The following LMBRD2 variants were observed in gnomAD, a reference collection of about 807,000 sequenced individuals.
LMBRD2 encodes G protein-coupled receptor-associated protein LMBRD2.
Under a neutral mutation model 94.4 loss-of-function variants are expected in LMBRD2, and 55 were observed. The observed-to-expected ratio is 0.58, with a 90% CI of 0.47 to 0.73. The LOEUF is 0.73. LMBRD2 is among the 30% of genes least tolerant of loss of function. The pLI is 0.00. For synonymous variants in LMBRD2, 246 were observed against 272.4 expected, an observed-to-expected ratio of 0.90 and a Z score of 0.95; for missense variants, 640 against 831.9, an observed-to-expected ratio of 0.77 and a Z score of 2.84.
chr5:36,117,694 T>C (rs1158737501), intron 10 of LMBRD2, 41 bp downstream of exon 10: 5 of 1,377,300 alleles, frequency 3.6e-6, no homozygotes, highest in Non-Finnish European at 5.0e-6. Flanking sequence ...GATTATACTA[T>C]GAAGTGACAT....
At position 36,108,557 on chromosome 5, in the gene LMBRD2, A is replaced by G. The variant is rs1285971267; in HGVS notation, c.1874T>C (p.Phe625Ser). Residue 625 changes from phenylalanine to serine, a missense_variant, in exon 16 of 18, where the codon TTC (phenylalanine) becomes TCC (serine). Transcript: ENST00000296603. The part of the protein sequence containing the change: ...NIHTDPKESN[F>S]SDVNTNRSAF... ...ACAACGGTTGGTATTAACATCTGAG[A>G]AGTTTGACTCTTTGGGGTCAGTATG... 6.3e-7 allele frequency: 1 copy of G among 1,583,422 alleles called. No individual in the cohort carries two copies.
chr5:36,128,035 C>T (rs1277436637), intron 6 of LMBRD2, among the ~76,000 whole-genome samples: 1 of 152,138 alleles, frequency 6.6e-6, no homozygotes, highest in African/African-American at 2.4e-5. Context: ...CCCTCCCCCA[C>T]CTCCAGGCAG....
intron 15 of LMBRD2, 90 bp from the exon 16 acceptor site, chr5:36,108,729 T>C (rs1743533538): frequency 4.0e-6 from 2 of 497,180 alleles, no homozygotes; most frequent in Non-Finnish European, 6.9e-6. Flanking sequence ...TTTATTTTCA[T>C]CAGAGATTCA....
At position 36,140,992 on chromosome 5, in the gene LMBRD2, G is replaced by A. The variant is rs779767254; in HGVS notation, c.368+115C>T. 58 of 598,016 alleles carry A rather than the reference G, an allele frequency of 9.7e-5. 1 individual carries two copies. Among genetic ancestry groups the A allele is most frequent in the Non-Finnish European group, 1.2e-5 (4 of 333,914 alleles). 37.0% of individuals were successfully genotyped at this position (598,016 alleles called of 1,614,324 possible). A position where few individuals can be genotyped will look rare whatever the true frequency, so the allele number is the denominator to read the frequency against. On this transcript the variant is annotated intron_variant, in intron 4 of 17. Coordinates refer to ENST00000296603, the MANE Select transcript of LMBRD2 (RefSeq NM_001007527.2). ...CACAGCAGAAAGATAAAAATAATGG[G>A]TAGAAAGATTCAGAATGCATATGAC...
intron 13 of LMBRD2, among the ~76,000 whole-genome samples, chr5:36,114,118 T>C (rs1471392112): frequency 6.6e-6 from 1 of 152,176 alleles, no homozygotes; most frequent in Non-Finnish European, 1.5e-5. Flanking sequence ...TAGCTGTCAG[T>C]GTCAAAGGCC....
intron 8 of LMBRD2, 21 bp downstream of exon 8, chr5:36,122,827 A>T (rs1274838184): frequency 6.3e-7 from 1 of 1,584,890 alleles, no homozygotes; most frequent in Admixed American, 1.9e-5. Flanking sequence ...TAAGTAAAAT[A>T]CTTATAATTA....
intron 1 of LMBRD2, among the ~76,000 whole-genome samples, chr5:36,148,522 A>G (rs1180400926): frequency 6.6e-6 from 1 of 152,240 alleles, no homozygotes; most frequent in Non-Finnish European, 1.5e-5. Flanking sequence ...CTTCCTAATA[A>G]TAAAATAATT....
chr5:36,123,908 T>C (rs1252401475), intron 7 of LMBRD2, among the ~76,000 whole-genome samples: 1 of 151,880 alleles, frequency 6.6e-6, no homozygotes, highest in East Asian at 1.9e-4. Context: ...AGTGAACATA[T>C]ACAATGACAT....
rs761859323 is a variant in LMBRD2 at position 36,103,997 on chromosome 5, G to A, written c.*49C>T. On this transcript the variant is annotated 3_prime_UTR_variant, in exon 18 of 18. Transcript: ENST00000296603. ...GGGTACACAGATGTTCATCAAGACT[G>A]AACTGATGTGTTGACCTTGGTTAGT... 3 of 1,325,238 alleles carry A rather than the reference G, an allele frequency of 2.3e-6. No homozygotes were observed. The highest frequency in any genetic ancestry group is 2.9e-5 in the African/African-American group (2 of 68,676). 82.1% of individuals were successfully genotyped at this position (1,325,238 alleles called of 1,614,324 possible).
chr5:36,116,406 A>G, intron 11 of LMBRD2, 54 bp downstream of exon 11: 1 of 1,522,054 alleles, frequency 6.6e-7, no homozygotes, highest in Non-Finnish European at 9.0e-7. Context: ...AAAGATCCAT[A>G]AGAATACACT....
At chr5:36,120,977 C>A (rs1743876785) in intron 9 of LMBRD2, among the ~76,000 whole-genome samples, 4 of 151,842 alleles carry the variant, frequency 2.6e-5, no homozygotes, top group Admixed American at 2.6e-4. Context: ...AGACTTTTCT[C>A]TTTTCTCTAT....
Position 36,141,172 on chromosome 5 carries a change from G to A in LMBRD2, c.303C>T (p.Tyr101=), listed in dbSNP as rs1421577251. The A allele has an allele frequency of 1.9e-6, 3 of 1,610,834 alleles. No homozygotes were observed. Among genetic ancestry groups the A allele is most frequent in the Non-Finnish European group, 2.5e-6 (3 of 1,177,752 alleles). The part of the protein sequence containing the change: ...SQHPCFKPWS[Y]IPDGIMPIFW... ...AAATTGGCATGATTCCATCAGGAAT[G>A]TAACTCCATGGCTTGAAACAAGGAT... The change falls in exon 4 of 18, where the codon TAC becomes TAT. Residue 101 remains tyrosine, a synonymous_variant. Coordinates refer to ENST00000296603, the MANE Select transcript of LMBRD2 (RefSeq NM_001007527.2).
chr5:36,114,962 G>T, intron 12 of LMBRD2, 53 bp downstream of exon 12: 1 of 1,127,298 alleles, frequency 8.9e-7, no homozygotes, highest in Non-Finnish European at 1.3e-6. Context: ...CACAATAACA[G>T]CACCTCATAT....
chr5:36,103,959 A>G lies in LMBRD2; in HGVS notation c.*87T>C, dbSNP rs1216820829. 1.1e-5 allele frequency: 10 copies of G among 899,150 alleles called. No homozygotes were observed. The highest frequency in any genetic ancestry group is 1.6e-5 in the Non-Finnish European group (9 of 550,926). The allele number at this position is 899,150 out of a possible 1,614,324, so 55.7% of individuals were successfully genotyped here. On this transcript the variant is annotated 3_prime_UTR_variant, in exon 18 of 18. Coordinates refer to ENST00000296603, the MANE Select transcript of LMBRD2 (RefSeq NM_001007527.2). ...TATCTTGACACTTTTCACTGTGTAT[A>G]GAGGAAATTCTAGGGTACACAGATG...
chr5:36,120,286 G>A (rs778425481), intron 9 of LMBRD2, among the ~76,000 whole-genome samples: 1 of 150,752 alleles, frequency 6.6e-6, no homozygotes, highest in Non-Finnish European at 1.5e-5. Context: ...TCAGCCTCCC[G>A]AGTAGCTGGG....
chr5:36,129,731 C>T (rs1371625125), intron 6 of LMBRD2, among the ~76,000 whole-genome samples: 2 of 152,186 alleles, frequency 1.3e-5, no homozygotes, highest in African/African-American at 4.8e-5. Flanking sequence ...AACACTATGA[C>T]TGCGGTGTGA....
chr5:36,149,401 G>A (rs898571011), intron 1 of LMBRD2, among the ~76,000 whole-genome samples: 2 of 152,226 alleles, frequency 1.3e-5, no homozygotes, highest in Non-Finnish European at 1.5e-5. Flanking sequence ...CTTATACAAT[G>A]CAGAATTTAT....
chr5:36,135,296 G>C (rs1258367085), intron 6 of LMBRD2, among the ~76,000 whole-genome samples: 2 of 152,160 alleles, frequency 1.3e-5, no homozygotes, highest in African/African-American at 4.8e-5. Flanking sequence ...ATAAAGTCAT[G>C]AGAATTAAAT....
chr5:36,114,285 TC>T, intron 13 of LMBRD2, 138 bp downstream of exon 13: 1 of 953,058 alleles, frequency 1.0e-6, no homozygotes, highest in Non-Finnish European at 1.4e-6. Flanking sequence ...ACTCAAGTAG[TC>T]CCTTCAAACT....
Sources: gnomAD v4.1 joint callset for allele counts (sites outside exome capture counted in the v4.1 genomes callset) on GRCh38, gnomAD v4.1.1 for gene constraint, MANE v1.5 for transcripts, NCBI Gene and HGNC (gene_info 2026-07-23, HGNC 2026-07-21) for gene names.